Variants in ALG3 observed in about 807,000 individuals in gnomAD.
ALG3 encodes dol-P-Man:Man(5)GlcNAc(2)-PP-Dol alpha-1,3-mannosyltransferase.
ALG3 carries 39 observed loss-of-function variants against 50.5 expected under a neutral mutation model. The ratio of observed to expected loss-of-function variants is 0.77; its 90% CI spans 0.60 to 1.01. The LOEUF (loss-of-function observed/expected upper bound fraction) is 1.01. Among genes scored for constraint, ALG3 ranks in the 50% least tolerant of loss-of-function variants. ALG3 has a pLI of 0.00. For synonymous variants in ALG3, 252 were observed against 237.2 expected, an observed-to-expected ratio of 1.06 and a Z score of -0.58; for missense variants, 520 against 554.8, an observed-to-expected ratio of 0.94 and a Z score of 0.63.
At chr3:184,249,113 C>G, upstream of ALG3, 3 of 1,464,442 alleles carry the variant, frequency 2.0e-6, no homozygotes, top group African/African-American at 4.2e-5. Context: ...CTCTGATGCA[C>G]TCCACGCTCC....
rs562487441 is a variant in ALG3, at chr3:184,245,565, C to G, written c.347G>C (p.Ser116Thr). The G allele has an allele frequency of 6.2e-6, 10 of 1,613,718 alleles. No homozygotes were observed. Among genetic ancestry groups the G allele is most frequent in the African/African-American group, 4.0e-5 (3 of 74,902 alleles). ...YIFMGLYYATSRGTDIRMAQN... is the reference protein window; with the variant it reads ...YIFMGLYYATTRGTDIRMAQN... ...GGCCATGCGGATGTCAGTGCCTCGG[C>G]TGGTGGCATAGTACAACCCCATAAA... Residue 116 changes from serine to threonine, a missense_variant, in exon 3 of 9, where the codon AGC becomes ACC. Physicochemically the swap from Ser to Thr is moderately conservative, Grantham distance 58. Coordinates refer to ENST00000397676, the MANE Select transcript of ALG3 (RefSeq NM_005787.6).
upstream of ALG3, chr3:184,249,412 T>A (rs898335814): frequency 1.9e-6 from 2 of 1,064,340 alleles, no homozygotes. Context: ...GTCATTCATA[T>A]TGAAAATATG....
chr3:184,242,394 GC>G lies in ALG3; in HGVS notation c.*119del, dbSNP rs1389798482. On this transcript the variant is annotated 3_prime_UTR_variant, in exon 9 of 9. Coordinates refer to ENST00000397676, the MANE Select transcript of ALG3 (RefSeq NM_005787.6). Reference sequence around the variant, plus strand: ...TCACAGCCTGGACCAGGCATCGGCTGCCCCCACCTCCATGTAGGTTGCACAG... The same window carrying G: ...TCACAGCCTGGACCAGGCATCGGCTGCCCCACCTCCATGTAGGTTGCACAG... The G allele has an allele frequency of 1.0e-5, 13 of 1,267,572 alleles. No individual in the cohort carries two copies. Among genetic ancestry groups the G allele is most frequent in the African/African-American group, 1.5e-5 (1 of 67,390 alleles). 78.5% of individuals were successfully genotyped at this position (1,267,572 alleles called of 1,614,324 possible).
upstream of ALG3, chr3:184,249,300 G>A (rs755791120): frequency 3.7e-6 from 6 of 1,605,810 alleles, no homozygotes; most frequent in African/African-American, 2.7e-5. Context: ...TGTCTCTCCA[G>A]GAGGGCAAAG....
chr3:184,242,498 G>A lies in ALG3; in HGVS notation c.*16C>T. The A allele has an allele frequency of 6.2e-7, 1 of 1,611,730 alleles. No individual in the cohort carries two copies. On this transcript the variant is annotated 3_prime_UTR_variant, in exon 9 of 9. Coordinates refer to ENST00000397676, the MANE Select transcript of ALG3 (RefSeq NM_005787.6). ...TCCTGAGGGTAGACTCAGGTCCTGA[G>A]GGAAAGGGGTGGACTTCAGTGGGCT...
chr3:184,245,426 C>T, intron 3 of ALG3, 42 bp downstream of exon 3: 1 of 1,613,284 alleles, frequency 6.2e-7, no homozygotes. Context: ...CCACCCAGCC[C>T]TCCCAGGCTG....
At position 184,243,634 on chromosome 3, in the gene ALG3, G is replaced by A. The variant is rs190571910; in HGVS notation, c.933-4C>T. 5.3e-4 allele frequency: 860 copies of A among 1,613,860 alleles called. No homozygotes were observed. The highest frequency in any genetic ancestry group is 6.8e-4 in the Non-Finnish European group (802 of 1,179,854). ...CGACAAGATACTTTCCCCTGTCCTG[G>A]AGAAAAGCCATTCAGACAGTTATCA... is the stretch of plus-strand genomic sequence containing the variant. On this transcript the variant is annotated splice_region_variant and splice_polypyrimidine_tract_variant and intron_variant, in intron 6 of 8. Transcript: ENST00000397676.
At position 184,243,910 on chromosome 3, in the gene ALG3, G is replaced by A. The variant is rs1304061489; in HGVS notation, c.813C>T (p.His271=). The A allele has an allele frequency of 2.5e-6, 4 of 1,613,938 alleles. No individual in the cohort carries two copies. Among genetic ancestry groups the A allele is most frequent in the Non-Finnish European group, 3.4e-6 (4 of 1,179,884 alleles). ...GGAGGAAGCGCCAGTTCACTGTCCA[G>A]TGGAACAGAAACTGGCGGCCAAGGT... is the stretch of plus-strand genomic sequence containing the variant. The part of the protein sequence containing the change: ...SFDLGRQFLF[H]WTVNWRFLPE... Residue 271 remains histidine, a synonymous_variant, in exon 6 of 9, where the codon CAC becomes CAT. Coordinates refer to ENST00000397676, the MANE Select transcript of ALG3 (RefSeq NM_005787.6).
chr3:184,245,693 A>C lies in ALG3; in HGVS notation c.296+20T>G, dbSNP rs754871462. The C allele has an allele frequency of 5.6e-6, 9 of 1,610,922 alleles. No individual in the cohort carries two copies. The highest frequency in any genetic ancestry group is 7.6e-6 in the Non-Finnish European group (9 of 1,177,598). On this transcript the variant is annotated intron_variant, in intron 2 of 8. Transcript: ENST00000397676. The stretch of plus-strand genomic sequence containing the variant: ...TAACCAGCCCCTCACATCCTCCCTG[A>C]ACTTCCTGTCCCCACTCACACAAGT...
At position 184,245,277 on chromosome 3, in the gene ALG3, G is replaced by A. The variant is rs774411827; in HGVS notation, c.526C>T (p.Pro176Ser). ...AGGAAGAGCAGCACCATGGCCACTG[G>A]GTCATTGAAGAGCCGCAGCACAAAG... is the stretch of plus-strand genomic sequence containing the variant. ...SIFVLRLFND[P>S]VAMVLLFLSI... is the part of the protein sequence containing the mutation. The change falls in exon 4 of 9, where the codon CCA becomes TCA. Residue 176 changes from proline (P) to serine (S), a missense_variant. Pro to Ser is a moderately conservative substitution (Grantham distance 74). Around this residue, in one of 3 missense-constraint regions of ALG3, gnomAD observed 290 missense variants for 265.9 expected, o/e 1.09. Coordinates refer to ENST00000397676, the MANE Select transcript of ALG3 (RefSeq NM_005787.6). 9.3e-6 allele frequency: 15 copies of A among 1,613,612 alleles called. No individual in the cohort carries two copies. In the Admixed American group the frequency reaches 1.8e-4, roughly 20 times the overall value.
intron 1 of ALG3, 88 bp from the exon 2 acceptor site, chr3:184,245,900 C>G (rs1474470330): frequency 9.8e-7 from 1 of 1,019,366 alleles, no homozygotes; most frequent in Non-Finnish European, 1.5e-6. Flanking sequence ...AAAACACAGA[C>G]TTTCAGCCAA....
rs1310864006 is a variant in ALG3, at chr3:184,242,433, C to A, written c.*81G>T. 6.5e-7 allele frequency: 1 copy of A among 1,531,252 alleles called. No homozygotes were observed. The highest frequency in any genetic ancestry group is 2.4e-5 in the East Asian group (1 of 42,154). 94.9% of individuals were successfully genotyped at this position (1,531,252 alleles called of 1,614,324 possible). On this transcript the variant is annotated 3_prime_UTR_variant, in exon 9 of 9. Coordinates refer to ENST00000397676, the MANE Select transcript of ALG3 (RefSeq NM_005787.6). Reference sequence around the variant, plus strand: ...GTAGGTTGCACAGAGTTGGACTTAGCAAGGTTTATTTGGAAGGGCAGAGTC... The same window carrying A: ...GTAGGTTGCACAGAGTTGGACTTAGAAAGGTTTATTTGGAAGGGCAGAGTC...
rs763727038 is a variant in ALG3 at position 184,248,890 on chromosome 3, T to C, written c.51A>G (p.Ala17=). 5.6e-5 allele frequency: 90 copies of C among 1,603,340 alleles called. No homozygotes were observed. The Admixed American group carries it at 1.4e-3, about 25-fold the overall frequency. The change falls in exon 1 of 9, where the codon GCA becomes GCG. Residue 17 remains alanine, a synonymous_variant. Transcript: ENST00000397676. ...KRGRSGSAAQ[A]EGLCKQWLQR... ...GCAGCCATTGCTTGCAGAGTCCCTC[T>C]GCCTGGGCCGCGGAACCGGACCGGC... is the stretch of plus-strand genomic sequence containing the variant.
intron 8 of ALG3, 45 bp from the exon 9 acceptor site, chr3:184,242,721 C>T (rs777997184): frequency 1.3e-6 from 2 of 1,577,678 alleles, no homozygotes; most frequent in Admixed American, 3.5e-5. Flanking sequence ...GTTGCAAGGC[C>T]TGCAGACCTG....
upstream of ALG3, chr3:184,249,091 T>C (rs1719377232): frequency 6.8e-7 from 1 of 1,477,934 alleles, no homozygotes. Flanking sequence ...GTAATTTTTC[T>C]GCATTTGTCT....
At chr3:184,248,685 A>T in intron 1 of ALG3, 60 bp downstream of exon 1, 1 of 1,452,120 alleles carries the variant, frequency 6.9e-7, no homozygotes, top group South Asian at 1.4e-5. Flanking sequence ...TCTGAGATCC[A>T]GTTTGGGTCG....
intron 1 of ALG3, 23 bp downstream of exon 1, chr3:184,248,712 TCCCTCCCCTC>T: frequency 1.5e-6 from 1 of 679,020 alleles, no homozygotes; most frequent in Non-Finnish European, 2.5e-6. Context: ...CAGGTCTCCC[TCCCTCCCCTC>T]CCCTCCCCCT....
upstream of ALG3, chr3:184,249,504 T>C (rs1204332820): frequency 3.9e-6 from 3 of 766,566 alleles, no homozygotes; most frequent in East Asian, 5.4e-5. Context: ...AGCCGGAGGA[T>C]TCAGGGTCTG....
In ALG3 at chr3:184,245,761, T is replaced by A. The variant is rs199565095; in HGVS notation, c.248A>T (p.Asn83Ile). 1 of 1,613,950 alleles carries A rather than the reference T, an allele frequency of 6.2e-7. No individual in the cohort carries two copies. Among genetic ancestry groups the A allele is most frequent in the Non-Finnish European group, 8.5e-7 (1 of 1,179,862 alleles). The change falls in exon 2 of 9, where the codon AAT becomes ATT. Residue 83 changes from asparagine to isoleucine, a missense_variant. This residue lies in a region of ALG3 where 290 missense variants were observed against 265.9 expected (regional missense o/e 1.09). Transcript: ENST00000397676. ...AYMAEVEGVI[N>I]GTYDYTQLQG... ...CAGTTGGGTATAGTCATAGGTACCATTGATGACGCCTTCTACCTCGGCCAT... is the reference window on the plus strand; with the variant it reads ...CAGTTGGGTATAGTCATAGGTACCAATGATGACGCCTTCTACCTCGGCCAT...
Sources: gnomAD v4.1 joint callset for allele counts on GRCh38, gnomAD v4.1.1 for gene constraint, gnomAD v4.1.1 regional missense constraint, MANE v1.5 for transcripts, NCBI Gene and HGNC (gene_info 2026-07-23, HGNC 2026-07-21) for gene names.